NAALADL2: variants seen among roughly 807,000 people sequenced by gnomAD.
NAALADL2 encodes N-acetylated alpha-linked acidic dipeptidase like 2.
Under a neutral mutation model 87.2 loss-of-function variants are expected in NAALADL2, and 76 were observed. The observed-to-expected ratio is 0.87, with a 90% confidence interval of 0.72 to 1.05. The LOEUF (loss-of-function observed/expected upper bound fraction) is 1.05. Ranked by LOEUF, NAALADL2 falls within the 50% of genes least tolerant of loss-of-function variation. NAALADL2 has a pLI of 0.00. For synonymous variants in NAALADL2, 354 were observed against 331.0 expected (o/e 1.07, Z -0.75); for missense variants, 1,089 against 945.8 (o/e 1.15, Z -1.99).
At chr3:174,458,553 A>G (rs1160290449) in intron 1 of NAALADL2, 4 of 152,216 alleles carry the variant, frequency 2.6e-5, no homozygotes, top group Non-Finnish European at 5.9e-5. Flanking sequence ...GTTATGGGCT[A>G]TGATGAAACC....
chr3:175,041,587 G>A (rs10212390), intron 1 of NAALADL2, among the ~76,000 whole-genome samples: 36,446 of 151,976 alleles, frequency 0.24, 4,568 homozygotes, highest in East Asian at 0.38. Context: ...AGAGATGAGC[G>A]TCTTTAAAAG....
At position 174,921,266 on chromosome 3, in the gene NAALADL2, A is replaced by G. The variant is rs537592229; in HGVS notation, c.43+61816A>G. ...GTTCAATAAAATGAGGTATGCTTGT[A>G]TATCTAGACAATATTTTGCTGAAAA... On this transcript the variant is annotated intron_variant, in intron 1 of 13. Transcript: ENST00000454872. Among the ~76,000 whole-genome samples the G allele has an allele frequency of 2.6e-4, 40 of 152,348 alleles. No homozygotes were observed. The East Asian group carries it at 6.6e-3, about 25-fold the overall frequency.
rs747440362 is a variant in NAALADL2 at position 175,256,362 on chromosome 3, ACTT to A, written c.820-44_820-42del. ...TTATACTAAATGGACAATTGGCTAT[ACTT>A]CTTCCTCTGAGGCTTTATTTTTCTT... On this transcript the variant is annotated intron_variant, in intron 3 of 13. Transcript: ENST00000454872. The A allele has an allele frequency of 8.4e-6, 13 of 1,546,866 alleles. No homozygotes were observed. In the South Asian group the frequency reaches 1.5e-4, roughly 18 times the overall value.
intron 2 of NAALADL2, among the ~76,000 whole-genome samples, chr3:174,581,663 C>A (rs1475846781): frequency 6.6e-6 from 1 of 152,150 alleles, no homozygotes; most frequent in African/African-American, 2.4e-5. Context: ...CTATCTACCG[C>A]ATTTTTAGAG....
intron 9 of NAALADL2, among the ~76,000 whole-genome samples, chr3:175,504,395 A>G (rs1221348011): frequency 6.6e-6 from 1 of 152,162 alleles, no homozygotes; most frequent in Non-Finnish European, 1.5e-5. Flanking sequence ...TATTTCCTCA[A>G]AATGTGTAAG....
At chr3:175,373,937 G>A (rs1766798765) in intron 5 of NAALADL2, among the ~76,000 whole-genome samples, 1 of 151,884 alleles carries the variant, frequency 6.6e-6, no homozygotes, top group African/African-American at 2.4e-5. Context: ...TATGCTGATG[G>A]ACTTAGTATA....
chr3:174,448,998 C>T (rs959282147), intron 1 of NAALADL2, among the ~76,000 whole-genome samples: 6 of 152,166 alleles, frequency 3.9e-5, no homozygotes, highest in Non-Finnish European at 7.3e-5. Flanking sequence ...CCATAAACAT[C>T]AGTTCTATAG....
At chr3:174,851,941 G>A (rs528872636) in intron 3 of NAALADL2, among the ~76,000 whole-genome samples, 2 of 152,202 alleles carry the variant, frequency 1.3e-5, no homozygotes, top group South Asian at 4.1e-4. Context: ...ATCAATCATT[G>A]TGATACATTA....
intron 1 of NAALADL2, among the ~76,000 whole-genome samples, chr3:174,936,266 T>C (rs1737669940): frequency 6.6e-6 from 1 of 152,120 alleles, no homozygotes; most frequent in Admixed American, 6.6e-5. Flanking sequence ...AATAGGTGTT[T>C]TCTATATTTC....
intron 2 of NAALADL2, among the ~76,000 whole-genome samples, chr3:175,222,158 C>A (rs1743485201): frequency 6.6e-6 from 1 of 152,114 alleles, no homozygotes; most frequent in African/African-American, 2.4e-5. Flanking sequence ...AAGAGTTGAC[C>A]ATTGCCAAAG....
At chr3:175,730,660 A>C (rs1274027719) in intron 11 of NAALADL2, among the ~76,000 whole-genome samples, 5 of 151,728 alleles carry the variant, frequency 3.3e-5, no homozygotes, top group Non-Finnish European at 7.4e-5. Flanking sequence ...ATTTAGTAAG[A>C]GAGGAAAGCC....
intron 2 of NAALADL2, among the ~76,000 whole-genome samples, chr3:175,189,446 TTGAAAA>T (rs1737824472): frequency 6.6e-6 from 1 of 152,038 alleles, no homozygotes; most frequent in Admixed American, 6.5e-5. Flanking sequence ...ATTGACATAG[TTGAAAA>T]TGAAATCAAG....
At chr3:175,141,182 T>C (rs1560082365) in intron 2 of NAALADL2, among the ~76,000 whole-genome samples, 1 of 152,126 alleles carries the variant, frequency 6.6e-6, no homozygotes, top group Non-Finnish European at 1.5e-5. Context: ...AAGTCTGCTT[T>C]AGGTACAGAA....
rs1423275714 is a variant in NAALADL2, at chr3:175,807,786, C to G, written c.*4583C>G. The G allele has an allele frequency of 6.6e-6, 1 of 151,848 alleles. No individual in the cohort carries two copies. 9.4% of individuals were successfully genotyped at this position (151,848 alleles called of 1,614,324 possible). A position where few individuals can be genotyped will look rare whatever the true frequency, so the allele number is the denominator to read the frequency against. ...TTCTTGTATGAGTTTAAATTGCCAACTTAAAAAAGCCTCATTAGAATTTGC... is the reference window on the plus strand; with the variant it reads ...TTCTTGTATGAGTTTAAATTGCCAAGTTAAAAAAGCCTCATTAGAATTTGC... On this transcript the variant is annotated 3_prime_UTR_variant, in exon 14 of 14. Coordinates refer to ENST00000454872, the MANE Select transcript of NAALADL2 (RefSeq NM_207015.3).
At chr3:175,760,986 A>G (rs968378100) in intron 13 of NAALADL2, among the ~76,000 whole-genome samples, 2 of 152,158 alleles carry the variant, frequency 1.3e-5, no homozygotes, top group African/African-American at 4.8e-5. Context: ...CCCAATTGTT[A>G]ATATCTTGCA....
At chr3:174,749,130 C>A (rs953137705) in intron 3 of NAALADL2, among the ~76,000 whole-genome samples, 3 of 147,790 alleles carry the variant, frequency 2.0e-5, no homozygotes, top group Non-Finnish European at 4.5e-5. Context: ...TGCCTAATCC[C>A]AATTTTCTCT....
At chr3:175,462,620 C>CT (rs2149266276) in intron 6 of NAALADL2, among the ~76,000 whole-genome samples, 1 of 152,264 alleles carries the variant, frequency 6.6e-6, no homozygotes, top group South Asian at 2.1e-4. Context: ...TTAAGGAAAA[C>CT]TTTAAAGATC....
At chr3:175,116,363 C>T (rs916384586) in intron 2 of NAALADL2, among the ~76,000 whole-genome samples, 1 of 152,034 alleles carries the variant, frequency 6.6e-6, no homozygotes, top group South Asian at 2.1e-4. Flanking sequence ...TTTCCTTATG[C>T]TGATAAGCAA....
intron 1 of NAALADL2, among the ~76,000 whole-genome samples, chr3:174,993,550 T>C (rs1373407561): frequency 6.6e-6 from 1 of 152,088 alleles, no homozygotes; most frequent in Admixed American, 6.6e-5. Flanking sequence ...GTCATGGAGA[T>C]GACAGGAAGC....
Sources: gnomAD v4.1 joint callset for allele counts (sites outside exome capture counted in the v4.1 genomes callset) on GRCh38, gnomAD v4.1.1 for gene constraint, MANE v1.5 for transcripts, NCBI Gene and HGNC (gene_info 2026-07-23, HGNC 2026-07-21) for gene names.